TRIP12: variants seen among roughly 807,000 people sequenced by gnomAD.
TRIP12 encodes the protein E3 ubiquitin-protein ligase TRIP12.
Under a neutral mutation model 244.2 loss-of-function variants are expected in TRIP12, and 25 were observed. The observed-to-expected ratio is 0.10, with a 90% confidence interval of 0.07 to 0.14. TRIP12 has a LOEUF of 0.14. TRIP12 is among the 10% of genes least tolerant of loss of function. The probability of loss-of-function intolerance (pLI) is 1.00; values close to 1 mark genes in which losing one functional copy is unlikely to be tolerated. For missense variants in TRIP12, 1,677 were observed against 2,486.4 expected, an observed-to-expected ratio of 0.67 and a Z score of 6.92; for synonymous variants, 905 against 873.1, an observed-to-expected ratio of 1.04 and a Z score of -0.64.
At chr2:229,856,043 A>G (rs2059557973) in intron 4 of TRIP12, among the ~76,000 whole-genome samples, 2 of 137,312 alleles carry the variant, frequency 1.5e-5, no homozygotes, top group South Asian at 4.3e-4. Flanking sequence ...CTGTCTCAGA[A>G]AAAAAAAAAA....
Position 229,767,394 on chromosome 2 carries a change from T to C in TRIP12, c.*160A>G, listed in dbSNP as rs191984392. On this transcript the variant is annotated 3_prime_UTR_variant, in exon 42 of 42. Coordinates refer to ENST00000675903, the MANE Select transcript of TRIP12 (RefSeq NM_001348323.3). ...TGATCACTTTAAGTCCATGGGGCCA[T>C]TAATGAATATCAACCAAATGTCTCT... The C allele has an allele frequency of 3.6e-5, 28 of 769,242 alleles. No homozygotes were observed. The Admixed American group carries it at 7.5e-4, about 20-fold the overall frequency. 47.7% of individuals were successfully genotyped at this position (769,242 alleles called of 1,614,324 possible). A position where few individuals can be genotyped will look rare whatever the true frequency, so the allele number is the denominator to read the frequency against.
intron 4 of TRIP12, among the ~76,000 whole-genome samples, chr2:229,842,712 T>C (rs1174869441): frequency 1.3e-5 from 2 of 152,192 alleles, no homozygotes; most frequent in East Asian, 1.9e-4. Context: ...TAATAGACAG[T>C]AGCACACACT....
chr2:229,880,003 T>C lies in TRIP12; in HGVS notation c.77A>G (p.Gln26Arg), dbSNP rs1191926555. The change falls in exon 2 of 42, where the codon CAA becomes CGA. Residue 26 changes from glutamine to arginine, a missense_variant. Transcript: ENST00000675903. ...ATACCTTCCTCCTATTGAGTCGTCT[T>C]GTGGTTGGGCCCCGGCAGTGTTCCT... ...SQRNTAGAQP[Q>R]DDSIGGRSHL... The C allele has an allele frequency of 1.2e-6, 2 of 1,614,186 alleles. No individual in the cohort carries two copies. Among genetic ancestry groups the C allele is most frequent in the Non-Finnish European group, 1.7e-6 (2 of 1,180,020 alleles).
At chr2:229,876,572 C>T (rs1304629802) in intron 2 of TRIP12, among the ~76,000 whole-genome samples, 3 of 152,210 alleles carry the variant, frequency 2.0e-5, no homozygotes, top group Non-Finnish European at 4.4e-5. Context: ...AATCGAGTTC[C>T]ATCTCTGTTA....
chr2:229,893,367 A>C (rs2067877268), intron 1 of TRIP12, among the ~76,000 whole-genome samples: 1 of 152,236 alleles, frequency 6.6e-6, no homozygotes. Flanking sequence ...AGTTGTGACA[A>C]ACACACACAC....
Position 229,799,401 on chromosome 2 carries a change from T to C in TRIP12, c.3207-18A>G, listed in dbSNP as rs764988740. 6.2e-7 allele frequency: 1 copy of C among 1,608,886 alleles called. No individual in the cohort carries two copies. Among genetic ancestry groups the C allele is most frequent in the Non-Finnish European group, 8.5e-7 (1 of 1,175,236 alleles). ...TTAATCGACTGTCCATGGGAAAATATGAGATAAGTTTAGCAATTACCACTG... is the reference window on the plus strand; with the variant it reads ...TTAATCGACTGTCCATGGGAAAATACGAGATAAGTTTAGCAATTACCACTG... On this transcript the variant is annotated intron_variant, in intron 21 of 41. Coordinates refer to ENST00000675903, the MANE Select transcript of TRIP12 (RefSeq NM_001348323.3).
chr2:229,792,545 T>C lies in TRIP12; in HGVS notation c.4142-319A>G, dbSNP rs370802108. 3.0e-4 allele frequency among the ~76,000 whole-genome samples: 45 copies of C among 152,334 alleles called. No homozygotes were observed. In the East Asian group the frequency reaches 5.8e-3, roughly 20 times the overall value. On this transcript the variant is annotated intron_variant, in intron 27 of 41. Transcript: ENST00000675903. ...GTGCATGAAACAAAGTGTATGTACA[T>C]TGAACCATCAGAAAGCAAAGTTGTC...
At chr2:229,917,971 T>A (rs1327143577) in intron 1 of TRIP12, among the ~76,000 whole-genome samples, 4 of 152,076 alleles carry the variant, frequency 2.6e-5, no homozygotes, top group Admixed American at 2.0e-4. Flanking sequence ...CCCAGACCAA[T>A]CAGGTTTATT....
At chr2:229,781,825 C>T (rs1177757803) in intron 34 of TRIP12, among the ~76,000 whole-genome samples, 1 of 152,166 alleles carries the variant, frequency 6.6e-6, no homozygotes, top group Admixed American at 6.5e-5. Context: ...AAAGTCAGTG[C>T]TTGTGAGGTA....
intron 1 of TRIP12, among the ~76,000 whole-genome samples, chr2:229,894,110 G>A (rs1036733398): frequency 1.3e-5 from 2 of 152,036 alleles, no homozygotes; most frequent in Non-Finnish European, 1.5e-5. Context: ...AGCTGAGATG[G>A]CACCACTGCA....
At chr2:229,827,150 C>A (rs1031976276) in intron 8 of TRIP12, among the ~76,000 whole-genome samples, 1 of 151,732 alleles carries the variant, frequency 6.6e-6, no homozygotes, top group African/African-American at 2.4e-5. Context: ...CGTGGTGGCA[C>A]GTGCCTGTAG....
At chr2:229,825,961 C>T (rs7562845) in intron 8 of TRIP12, among the ~76,000 whole-genome samples, 7,473 of 152,174 alleles carry the variant, frequency 0.049, 615 homozygotes, top group African/African-American at 0.17. Flanking sequence ...CAACCCACTG[C>T]TTACAATTAT....
chr2:229,848,553 G>A (rs945396730), intron 4 of TRIP12, among the ~76,000 whole-genome samples: 1 of 152,080 alleles, frequency 6.6e-6, no homozygotes, highest in African/African-American at 2.4e-5. Context: ...AACGAAAAAG[G>A]AAAGCAATGT....
intron 2 of TRIP12, among the ~76,000 whole-genome samples, chr2:229,863,011 T>C (rs2154338869): frequency 6.6e-6 from 1 of 152,176 alleles, no homozygotes; most frequent in African/African-American, 2.4e-5. Flanking sequence ...GGATGTGTCA[T>C]GAGGTCAGGA....
chr2:229,864,047 A>AGAGTGT, intron 2 of TRIP12, among the ~76,000 whole-genome samples: 39 of 79,318 alleles, frequency 4.9e-4, no homozygotes, highest in South Asian at 1.5e-3. Context: ...AGAGAGAGAG[A>AGAGTGT]GTGTGTGTGT....
In TRIP12 at chr2:229,859,267, T is replaced by C. The variant is rs376223742; in HGVS notation, c.532A>G (p.Arg178Gly). 3 of 1,614,250 alleles carry C rather than the reference T, an allele frequency of 1.9e-6. No homozygotes were observed. The highest frequency in any genetic ancestry group is 2.5e-6 in the Non-Finnish European group (3 of 1,180,040). Residue 178 changes from arginine (R) to glycine (G), a missense_variant, in exon 4 of 42, where the codon AGG becomes GGG. Arg to Gly is a moderately radical substitution (Grantham distance 125). Around this residue, in one of 11 missense-constraint regions of TRIP12, gnomAD observed 387 missense variants for 392.6 expected, o/e 0.99. Transcript: ENST00000675903. ...GAACCGCCAGTGGCCCCACTCTTCC[T>C]GGTATGAGCCTTGCTTGTTGATGGT... Reference protein sequence around the residue: ...QSPSTSKAHTRKSGATGGSRS... With the variant: ...QSPSTSKAHTGKSGATGGSRS...
intron 1 of TRIP12, among the ~76,000 whole-genome samples, chr2:229,902,991 C>CG (rs931397806): frequency 8.1e-6 from 1 of 123,190 alleles, no homozygotes; most frequent in African/African-American, 3.3e-5. Context: ...TTACTGTGTG[C>CG]GGGTTTTTTT....
In TRIP12 at chr2:229,807,730, C is replaced by T. The variant is rs968716659; in HGVS notation, c.2474G>A (p.Arg825Lys). The change falls in exon 17 of 42, where the codon AGG (arginine) becomes AAG (lysine). Residue 825 changes from arginine to lysine, a missense_variant. Coordinates refer to ENST00000675903, the MANE Select transcript of TRIP12 (RefSeq NM_001348323.3). ...TACCTCAATGATCCGGCTGTCAATC[C>T]TGTTATATGGATGCCAGAGGCCCCG... ...DDRGLWHPYN[R>K]IDSRIIEAAH... 1 of 1,614,164 alleles carries T rather than the reference C, an allele frequency of 6.2e-7. No homozygotes were observed. Among genetic ancestry groups the T allele is most frequent in the Non-Finnish European group, 8.5e-7 (1 of 1,180,036 alleles).
chr2:229,881,488 G>A (rs1310954030), intron 1 of TRIP12, among the ~76,000 whole-genome samples: 1 of 152,134 alleles, frequency 6.6e-6, no homozygotes, highest in African/African-American at 2.4e-5. Flanking sequence ...TTACTGTACT[G>A]GATTTTGTTT....
Sources: allele counts gnomAD v4.1 joint callset (sites outside exome capture counted in the v4.1 genomes callset), GRCh38; gene constraint gnomAD v4.1.1; regional missense constraint gnomAD v4.1.1; transcripts MANE v1.5; gene names NCBI Gene and HGNC (gene_info 2026-07-23, HGNC 2026-07-21).